The following ADAMTSL1 variants were observed in gnomAD, a reference collection of about 807,000 sequenced individuals.
The protein encoded by ADAMTSL1 is ADAMTS-like protein 1.
In ADAMTSL1, 126 loss-of-function variants were observed where a neutral mutation model predicts 201.8. The observed-to-expected ratio is 0.62, with a 90% CI of 0.54 to 0.72. The LOEUF (loss-of-function observed/expected upper bound fraction) is 0.72, where lower values mean the gene tolerates loss of function less well. ADAMTSL1 is among the 30% of genes least tolerant of loss of function. ADAMTSL1 has a pLI of 0.00. For missense variants in ADAMTSL1, 2,679 were observed against 2,277.8 expected (o/e 1.18, Z -3.59); for synonymous variants, 1,121 against 903.4 (o/e 1.24, Z -4.32).
chr9:18,720,513 A>T (rs1033534253), intron 14 of ADAMTSL1, among the ~76,000 whole-genome samples: 1 of 152,172 alleles, frequency 6.6e-6, no homozygotes, highest in African/African-American at 2.4e-5. Flanking sequence ...ACCAGGTGCA[A>T]TGGCTCACGC....
intron 2 of ADAMTSL1, among the ~76,000 whole-genome samples, chr9:18,523,732 G>T (rs1410377870): frequency 7.0e-6 from 1 of 142,178 alleles, no homozygotes; most frequent in African/African-American, 2.6e-5. Context: ...TCTCAGGTTT[G>T]TCAAAGATCA....
At chr9:18,195,721 C>T (rs1281183266) in intron 2 of ADAMTSL1, among the ~76,000 whole-genome samples, 1 of 152,098 alleles carries the variant, frequency 6.6e-6, no homozygotes, top group Non-Finnish European at 1.5e-5. Context: ...ATGCCATCAG[C>T]CATAAGCCCT....
intron 23 of ADAMTSL1, among the ~76,000 whole-genome samples, chr9:18,868,200 A>G (rs941615775): frequency 3.3e-5 from 5 of 152,136 alleles, no homozygotes; most frequent in African/African-American, 1.2e-4. Flanking sequence ...TTTCTTCCTC[A>G]GTATGCACAC....
intron 4 of ADAMTSL1, among the ~76,000 whole-genome samples, chr9:18,617,175 G>C (rs1242434548): frequency 1.3e-5 from 2 of 152,186 alleles, no homozygotes; most frequent in Non-Finnish European, 2.9e-5. Flanking sequence ...GAAACCATTT[G>C]AAATGAAGCC....
chr9:18,357,843 G>A (rs1441372566), intron 2 of ADAMTSL1, among the ~76,000 whole-genome samples: 1 of 152,100 alleles, frequency 6.6e-6, no homozygotes, highest in Non-Finnish European at 1.5e-5. Flanking sequence ...CTGCTAGAAT[G>A]ATACTGCTAT....
intron 14 of ADAMTSL1, among the ~76,000 whole-genome samples, chr9:18,713,636 A>G (rs959708366): frequency 9.3e-5 from 14 of 150,856 alleles, no homozygotes; most frequent in African/African-American, 3.2e-4. Flanking sequence ...TTAGACTCCC[A>G]CACAATAATA....
intron 2 of ADAMTSL1, among the ~76,000 whole-genome samples, chr9:18,528,066 C>A (rs536141510): frequency 2.7e-4 from 41 of 152,002 alleles, no homozygotes; most frequent in African/African-American, 8.9e-4. Flanking sequence ...TTATTAGAGA[C>A]GGGGTTTCAT....
intron 14 of ADAMTSL1, chr9:18,718,662 C>T (rs1833123776): frequency 2.8e-6 from 1 of 353,774 alleles, no homozygotes. Flanking sequence ...CTGGTTTACA[C>T]ACCTGACTCT....
Position 18,639,290 on chromosome 9 carries a change from A to C in ADAMTSL1, c.713A>C (p.Glu238Ala), listed in dbSNP as rs1027011833. 1 of 1,613,026 alleles carries C rather than the reference A, an allele frequency of 6.2e-7. No individual in the cohort carries two copies. Among genetic ancestry groups the C allele is most frequent in the Non-Finnish European group, 8.5e-7 (1 of 1,179,304 alleles). The stretch of plus-strand genomic sequence containing the variant: ...AAAACCCTCCAGGGGACTAAAGGTG[A>C]AAACAGTCTCAGCTCCACAGGAACT... ...ETKTLQGTKG[E>A]NSLSSTGTFL... is the part of the protein sequence containing the mutation. The change falls in exon 7 of 29, where the codon GAA (glutamate) becomes GCA (alanine). Residue 238 changes from glutamate to alanine, a missense_variant. Glu to Ala is a moderately radical substitution (Grantham distance 107). Transcript: ENST00000380548.
At chr9:18,094,493 A>T (rs542090670) in intron 1 of ADAMTSL1, among the ~76,000 whole-genome samples, 1 of 152,292 alleles carries the variant, frequency 6.6e-6, no homozygotes, top group East Asian at 1.9e-4. Flanking sequence ...TGTGTACAGA[A>T]CATTTTGTGT....
intron 1 of ADAMTSL1, among the ~76,000 whole-genome samples, chr9:18,158,482 C>A (rs1048410124): frequency 6.6e-6 from 1 of 151,894 alleles, no homozygotes; most frequent in African/African-American, 2.4e-5. Flanking sequence ...CCCATCCCCA[C>A]CTTGACATTT....
At chr9:17,920,501 A>G (rs969410316) in intron 1 of ADAMTSL1, among the ~76,000 whole-genome samples, 3 of 152,196 alleles carry the variant, frequency 2.0e-5, no homozygotes, top group Non-Finnish European at 2.9e-5. Context: ...TTTGCATGAC[A>G]TAGACTCCTA....
intron 2 of ADAMTSL1, among the ~76,000 whole-genome samples, chr9:18,514,431 G>A (rs1818242097): frequency 1.4e-5 from 2 of 145,908 alleles, no homozygotes; most frequent in African/African-American, 5.1e-5. Flanking sequence ...CGGGGTTCAC[G>A]CCATTCTCCT....
rs184119059 is a variant in ADAMTSL1, at chr9:18,440,719, T to A, written c.208-64110T>A. 5.9e-4 allele frequency among the ~76,000 whole-genome samples: 90 copies of A among 152,058 alleles called. No individual in the cohort carries two copies. In the East Asian group the frequency reaches 0.016, roughly 27 times the overall value. ...ATGCATCATTTTGAAGAGATGGTCA[T>A]ATTTAAGGGCCATTTACTTTTTCCA... On this transcript the variant is annotated intron_variant, in intron 2 of 29. Coordinates refer to the ADAMTSL1 transcript ENST00000680146.
At chr9:18,504,996 A>C in intron 2 of ADAMTSL1, 40 bp downstream of exon 2, 1 of 1,578,054 alleles carries the variant, frequency 6.3e-7, no homozygotes, top group East Asian at 2.3e-5. Flanking sequence ...TGAGAACCAG[A>C]GGTAGCCGGT....
chr9:18,239,170 G>T (rs1250218612), intron 2 of ADAMTSL1, among the ~76,000 whole-genome samples: 2 of 152,116 alleles, frequency 1.3e-5, no homozygotes, highest in African/African-American at 2.4e-5. Flanking sequence ...GACTGATCAG[G>T]GTGGTGAAGG....
chr9:18,295,113 C>T (rs180890731), intron 2 of ADAMTSL1, among the ~76,000 whole-genome samples: 1 of 152,080 alleles, frequency 6.6e-6, no homozygotes, highest in Non-Finnish European at 1.5e-5. Flanking sequence ...AAAGCATCAA[C>T]CTGTATGCTG....
chr9:17,933,560 C>G (rs753560862), intron 1 of ADAMTSL1, among the ~76,000 whole-genome samples: 2 of 152,106 alleles, frequency 1.3e-5, no homozygotes, highest in East Asian at 3.9e-4. Context: ...AAGAAATGCC[C>G]AAGACTGAGT....
chr9:18,764,164 T>C (rs1820234992), intron 16 of ADAMTSL1, among the ~76,000 whole-genome samples: 1 of 152,228 alleles, frequency 6.6e-6, no homozygotes, highest in Admixed American at 6.5e-5. Context: ...TTCTCTTCAA[T>C]TTATTTCATC....
Sources: allele counts gnomAD v4.1 joint callset (sites outside exome capture counted in the v4.1 genomes callset), GRCh38; gene constraint gnomAD v4.1.1; transcripts MANE v1.5; gene names NCBI Gene and HGNC (gene_info 2026-07-23, HGNC 2026-07-21).